Variants in UTRN observed in about 807,000 individuals in gnomAD.
UTRN encodes the protein utrophin.
UTRN carries 283 observed loss-of-function variants against 463.9 expected under a neutral mutation model. The observed-to-expected ratio is 0.61, with a 90% CI of 0.55 to 0.67. The LOEUF (loss-of-function observed/expected upper bound fraction) is 0.67, where lower values mean the gene tolerates loss of function less well. Ranked by LOEUF, UTRN falls within the 30% of genes least tolerant of loss-of-function variation. The pLI, the probability that UTRN is intolerant of heterozygous loss-of-function variation, is 0.00. For synonymous variants in UTRN, 1,442 were observed against 1,431.5 expected (o/e 1.01, Z -0.17); for missense variants, 3,922 against 4,084.3 (o/e 0.96, Z 1.08).
At chr6:144,646,024 G>A (rs571432618) in intron 51 of UTRN, among the ~76,000 whole-genome samples, 7 of 152,022 alleles carry the variant, frequency 4.6e-5, no homozygotes, top group African/African-American at 1.7e-4. Flanking sequence ...CTTTCATATG[G>A]GTCACTAAAC....
At chr6:144,353,875 AAAC>A (rs1183785962) in intron 2 of UTRN, among the ~76,000 whole-genome samples, 2 of 152,118 alleles carry the variant, frequency 1.3e-5, no homozygotes, top group African/African-American at 4.8e-5. Flanking sequence ...ACAAAAACAA[AAAC>A]AAAAAAACCA....
At chr6:144,576,957 A>G in intron 50 of UTRN, 142 bp from the exon 51 acceptor site, 1 of 685,838 alleles carries the variant, frequency 1.5e-6, no homozygotes. Context: ...ACACATACAG[A>G]TAAATCTCCC....
Position 144,421,951 on chromosome 6 carries a change from G to A in UTRN, c.215G>A (p.Gly72Asp), listed in dbSNP as rs1283195131. 3 of 1,612,112 alleles carry A rather than the reference G, an allele frequency of 1.9e-6. No individual in the cohort carries two copies. Among genetic ancestry groups the A allele is most frequent in the Non-Finnish European group, 2.5e-6 (3 of 1,179,010 alleles). The change falls in exon 4 of 75, where the codon GGC (glycine) becomes GAC (aspartate). Residue 72 changes from glycine (G) to aspartate (D), a missense_variant. Around this residue, in one of 3 missense-constraint regions of UTRN, gnomAD observed 264 missense variants for 327.9 expected, o/e 0.81. Coordinates refer to ENST00000367545, the MANE Select transcript of UTRN (RefSeq NM_007124.3). Reference protein sequence around the residue: ...DGRKLLDLLEGLTGTSLPKER... With the variant: ...DGRKLLDLLEDLTGTSLPKER... ...AGGAAGCTATTGGATCTTCTAGAAG[G>A]CCTCACAGGAACATCACTGGTGAGC...
chr6:144,533,277 T>G lies in UTRN; in HGVS notation c.6233+17T>G, dbSNP rs1209583602. The G allele has an allele frequency of 6.2e-7, 1 of 1,613,202 alleles. No individual in the cohort carries two copies. The highest frequency in any genetic ancestry group is 8.5e-7 in the Non-Finnish European group (1 of 1,179,546). On this transcript the variant is annotated intron_variant, in intron 43 of 74. Transcript: ENST00000367545. ...GCAGCCAAGGTGATTTAGCTATGAT[T>G]GTTTGCAGGCACAGGAGTGAACATA...
chr6:144,516,294 G>T lies in UTRN; in HGVS notation c.5310G>T (p.Val1770=). The T allele has an allele frequency of 6.2e-7, 1 of 1,613,844 alleles. No individual in the cohort carries two copies. The highest frequency in any genetic ancestry group is 8.5e-7 in the Non-Finnish European group (1 of 1,179,942). ...LVTTETFETG[V]PFSDLEKLEN... ...CCACTGAAACATTTGAAACTGGTGTGCCTTTCTCTGACTTGGAAAAATTAG... is the reference window on the plus strand; with the variant it reads ...CCACTGAAACATTTGAAACTGGTGTTCCTTTCTCTGACTTGGAAAAATTAG... Residue 1770 remains valine (V), a synonymous_variant, in exon 38 of 75, where the codon GTG becomes GTT. Transcript: ENST00000367545.
intron 9 of UTRN, among the ~76,000 whole-genome samples, chr6:144,433,308 TG>T (rs1406854172): frequency 7.8e-5 from 10 of 128,268 alleles, no homozygotes; most frequent in Non-Finnish European, 1.5e-4. Flanking sequence ...GCTGGCCGGG[TG>T]GGGGGCTGAA....
chr6:144,782,288 G>A (rs762640604), intron 61 of UTRN, among the ~76,000 whole-genome samples, 165 bp downstream of exon 61: 16 of 152,082 alleles, frequency 1.1e-4, no homozygotes, highest in Admixed American at 6.5e-4. Context: ...AAATCATTGA[G>A]CTTCTTAACA....
rs761747243 is a variant in UTRN at position 144,386,169 on chromosome 6, T to A, written c.80-16954T>A. 1.4e-3 allele frequency among the ~76,000 whole-genome samples: 214 copies of A among 152,126 alleles called. 1 individual carries two copies. The highest frequency in any genetic ancestry group is 2.7e-3 in the Non-Finnish European group (181 of 68,012). On this transcript the variant is annotated intron_variant, in intron 2 of 74. Transcript: ENST00000367545. ...CTGAATGAGCTTTTTAATTAAAAAA[T>A]TCATTAGTAAGGCTGGGAGCAGTGG...
chr6:144,444,196 C>A, intron 13 of UTRN, 85 bp from the exon 14 acceptor site: 2 of 1,101,508 alleles, frequency 1.8e-6, no homozygotes, highest in Non-Finnish European at 2.6e-6. Flanking sequence ...TAATAAAGAA[C>A]AATGGAAATC....
chr6:144,485,647 G>C, intron 28 of UTRN, 128 bp downstream of exon 28: 9 of 1,363,576 alleles, frequency 6.6e-6, no homozygotes, highest in Non-Finnish European at 8.9e-6. Context: ...AATGTCACTT[G>C]CATTTTCTTC....
At chr6:144,424,878 A>G (rs1418027578) in intron 6 of UTRN, among the ~76,000 whole-genome samples, 1 of 152,232 alleles carries the variant, frequency 6.6e-6, no homozygotes, top group Non-Finnish European at 1.5e-5. Flanking sequence ...GCATATTGGT[A>G]TAATAATATG....
At chr6:144,330,704 T>C in intron 2 of UTRN, 1 of 508,370 alleles carries the variant, frequency 2.0e-6, no homozygotes, top group Non-Finnish European at 2.5e-6. Context: ...GGCGACAGGC[T>C]CCACACCTGG....
At chr6:144,725,029 G>A (rs1179807867) in intron 53 of UTRN, among the ~76,000 whole-genome samples, 1 of 152,184 alleles carries the variant, frequency 6.6e-6, no homozygotes, top group Admixed American at 6.5e-5. Flanking sequence ...TTCCAGAGTG[G>A]CTGTGATATG....
chr6:144,835,753 C>T (rs764309954), intron 69 of UTRN, 27 bp from the exon 70 acceptor site: 2 of 1,613,166 alleles, frequency 1.2e-6, no homozygotes, highest in South Asian at 1.1e-5. Flanking sequence ...ATGTGAGCCT[C>T]TGGGTCTGTT....
chr6:144,341,104 T>TA (rs761693535), intron 2 of UTRN, among the ~76,000 whole-genome samples: 128 of 152,214 alleles, frequency 8.4e-4, no homozygotes, highest in Non-Finnish European at 1.4e-3. Context: ...CTATTTGACA[T>TA]ATGAAAGTTC....
intron 54 of UTRN, among the ~76,000 whole-genome samples, chr6:144,747,367 G>A (rs887975931): frequency 1.3e-5 from 2 of 152,190 alleles, no homozygotes; most frequent in African/African-American, 4.8e-5. Context: ...GGAGTGTGGA[G>A]CCATGCTGGA....
rs12211195 is a variant in UTRN, at chr6:144,485,072, C to T, written c.3688-313C>T. 6.7e-3 allele frequency among the ~76,000 whole-genome samples: 1,014 copies of T among 151,696 alleles called. 3 individuals carry two copies. The highest frequency in any genetic ancestry group is 0.024 in the Middle Eastern group (7 of 292). ...GACTACAGGCATCCGCCACCACACC[C>T]GGCTAATATTTTTATATATATATAT... is the stretch of plus-strand genomic sequence containing the variant. On this transcript the variant is annotated intron_variant, in intron 27 of 74. Coordinates refer to ENST00000367545, the MANE Select transcript of UTRN (RefSeq NM_007124.3).
chr6:144,758,961 T>C (rs564569220), intron 58 of UTRN, among the ~76,000 whole-genome samples: 19 of 152,236 alleles, frequency 1.2e-4, no homozygotes, highest in Non-Finnish European at 2.5e-4. Flanking sequence ...CTCCAAAATC[T>C]ATACAAATGC....
chr6:144,411,662 A>T (rs1217653876), intron 3 of UTRN, among the ~76,000 whole-genome samples: 1 of 152,146 alleles, frequency 6.6e-6, no homozygotes, highest in Non-Finnish European at 1.5e-5. Context: ...ATAGTTCTGA[A>T]GGTAGGTGCA....
Sources: gnomAD v4.1 joint callset for allele counts (sites outside exome capture counted in the v4.1 genomes callset) on GRCh38, gnomAD v4.1.1 for gene constraint, gnomAD v4.1.1 regional missense constraint, MANE v1.5 for transcripts, NCBI Gene and HGNC (gene_info 2026-07-23, HGNC 2026-07-21) for gene names.